Variants in FNIP2 observed in about 807,000 individuals in gnomAD.
FNIP2 encodes folliculin interacting protein 2, also known as folliculin-interacting protein 2.
Under a neutral mutation model 108.7 loss-of-function variants are expected in FNIP2, and 32 were observed. The observed-to-expected ratio is 0.29, with a 90% CI of 0.22 to 0.40. FNIP2 has a LOEUF of 0.40. Among genes scored for constraint, FNIP2 ranks in the 10% least tolerant of loss-of-function variants. The pLI, the probability that FNIP2 is intolerant of heterozygous loss-of-function variation, is 1.00. For missense variants in FNIP2, 1,202 were observed against 1,381.6 expected (o/e 0.87, Z 2.06); for synonymous variants, 480 against 496.7 (o/e 0.97, Z 0.45).
chr4:158,904,361 C>G, intron 16 of FNIP2, 105 bp from the exon 17 acceptor site: 1 of 996,038 alleles, frequency 1.0e-6, no homozygotes, highest in South Asian at 1.4e-5. Flanking sequence ...GATAATCTAT[C>G]AAACTTAGTA....
intron 12 of FNIP2, among the ~76,000 whole-genome samples, chr4:158,863,054 C>G (rs1213823615): frequency 6.6e-6 from 1 of 152,178 alleles, no homozygotes; most frequent in Admixed American, 6.5e-5. Flanking sequence ...CCTCATCTTT[C>G]AGGGGAGATC....
chr4:158,871,398 CA>C, intron 14 of FNIP2: 1 of 985,318 alleles, frequency 1.0e-6, no homozygotes, highest in Non-Finnish European at 1.2e-6. Flanking sequence ...CCTCCTTGGC[CA>C]ACAAGTATTT....
rs191993954 is a variant in FNIP2 at position 158,863,253 on chromosome 4, A to G, written c.1465+1477A>G. Reference sequence around the variant, plus strand: ...TATTACAAAGAAGTCGGGGGCCTTCAATAATTTGACAGGTAGAAGCACTTG... The same window carrying G: ...TATTACAAAGAAGTCGGGGGCCTTCGATAATTTGACAGGTAGAAGCACTTG... On this transcript the variant is annotated intron_variant, in intron 12 of 16. Transcript: ENST00000264433. Among the ~76,000 whole-genome samples the G allele has an allele frequency of 1.6e-3, 251 of 152,370 alleles. 1 individual carries two copies. Among genetic ancestry groups the G allele is most frequent in the African/African-American group, 5.7e-3 (239 of 41,590 alleles).
chr4:158,878,780 A>G (rs1412981537), intron 14 of FNIP2, among the ~76,000 whole-genome samples: 1 of 152,178 alleles, frequency 6.6e-6, no homozygotes, highest in Non-Finnish European at 1.5e-5. Flanking sequence ...AGCCATGTTT[A>G]AAGTGTTTAC....
chr4:158,781,577 C>A (rs897400503), intron 1 of FNIP2, among the ~76,000 whole-genome samples: 1 of 152,066 alleles, frequency 6.6e-6, no homozygotes, highest in Non-Finnish European at 1.5e-5. Context: ...TGCAGTGGCG[C>A]GATCTTGGCT....
At chr4:158,890,348 A>G in intron 14 of FNIP2, 1 of 985,190 alleles carries the variant, frequency 1.0e-6, no homozygotes, top group Non-Finnish European at 1.2e-6. Context: ...TTTTCCTACT[A>G]TTCCCCCTTG....
chr4:158,887,669 G>A (rs1166399225), intron 14 of FNIP2, among the ~76,000 whole-genome samples: 7 of 143,032 alleles, frequency 4.9e-5, no homozygotes, highest in Non-Finnish European at 7.5e-5. Context: ...CTCAGGAGGC[G>A]GAGGTTGTAG....
chr4:158,869,321 C>T lies in FNIP2; in HGVS notation c.2685C>T (p.Ser895=), dbSNP rs76877306. 941 of 1,613,620 alleles carry T rather than the reference C, an allele frequency of 5.8e-4. 7 individuals carry two copies. The African/African-American group carries it at 9.9e-3, about 17-fold the overall frequency. ...TTCCCCGAAATGAAAGCTCAGATAG[C>T]GCCCTGGGAGACAGTGACGACGAAG... The part of the protein sequence containing the change: ...GDIPRNESSD[S]ALGDSDDEAC... Residue 895 remains serine, a synonymous_variant, in exon 13 of 17, where the codon AGC becomes AGT. Transcript: ENST00000264433.
At chr4:158,839,005 C>T (rs1481873287) in intron 7 of FNIP2, among the ~76,000 whole-genome samples, 7 of 152,158 alleles carry the variant, frequency 4.6e-5, no homozygotes, top group Non-Finnish European at 5.9e-5. Context: ...GTGCCATTTT[C>T]GTCACATCCT....
intron 12 of FNIP2, among the ~76,000 whole-genome samples, chr4:158,863,844 AG>A (rs1780430927): frequency 6.6e-6 from 1 of 152,198 alleles, no homozygotes; most frequent in African/African-American, 2.4e-5. Flanking sequence ...AATGATCTTA[AG>A]GGTTTGTAGA....
intron 5 of FNIP2, among the ~76,000 whole-genome samples, chr4:158,832,354 A>G (rs1453550456): frequency 6.6e-6 from 1 of 152,202 alleles, no homozygotes; most frequent in Non-Finnish European, 1.5e-5. Flanking sequence ...GGCTGTCTTT[A>G]TATGTTTTGA....
intron 1 of FNIP2, among the ~76,000 whole-genome samples, chr4:158,812,600 A>G (rs1173697296): frequency 1.3e-5 from 2 of 152,096 alleles, no homozygotes; most frequent in African/African-American, 4.8e-5. Flanking sequence ...TTTTCCTTCA[A>G]AAAAATTTTA....
At chr4:158,874,264 G>T (rs1321660971) in intron 14 of FNIP2, among the ~76,000 whole-genome samples, 1 of 152,114 alleles carries the variant, frequency 6.6e-6, no homozygotes, top group Admixed American at 6.5e-5. Context: ...GTGGCCTTGG[G>T]CAAGTTTCTT....
intron 14 of FNIP2, chr4:158,890,178 A>G: frequency 6.1e-6 from 6 of 983,272 alleles, no homozygotes; most frequent in South Asian, 4.7e-5. Flanking sequence ...GAACAGACAA[A>G]TAAATGTTGA....
At position 158,801,478 on chromosome 4, in the gene FNIP2, G is replaced by A. The variant is rs573956219; in HGVS notation, c.108-24438G>A. On this transcript the variant is annotated intron_variant, in intron 1 of 16. Coordinates refer to ENST00000264433, the MANE Select transcript of FNIP2 (RefSeq NM_020840.3). Reference sequence around the variant, plus strand: ...TCTGTCCCAGTGGTCAGGCGCAGACGTGGTATGAGAATGAGCAGGGTGGGC... The same window carrying A: ...TCTGTCCCAGTGGTCAGGCGCAGACATGGTATGAGAATGAGCAGGGTGGGC... 3.9e-5 allele frequency among the ~76,000 whole-genome samples: 6 copies of A among 152,312 alleles called. No homozygotes were observed. In the South Asian group the frequency reaches 6.2e-4, roughly 16 times the overall value.
chr4:158,790,863 C>T (rs1327300249), intron 1 of FNIP2, among the ~76,000 whole-genome samples: 2 of 151,620 alleles, frequency 1.3e-5, no homozygotes, highest in Admixed American at 1.3e-4. Flanking sequence ...TTTCACTTAG[C>T]ACTTTCTTGG....
intron 1 of FNIP2, among the ~76,000 whole-genome samples, chr4:158,805,515 CT>C (rs1381069261): frequency 6.6e-6 from 1 of 152,126 alleles, no homozygotes; most frequent in African/African-American, 2.4e-5. Context: ...GGGTTTATGG[CT>C]GCTCGTTATC....
intron 1 of FNIP2, among the ~76,000 whole-genome samples, chr4:158,780,569 T>C (rs957576517): frequency 6.6e-6 from 1 of 152,240 alleles, no homozygotes; most frequent in African/African-American, 2.4e-5. Flanking sequence ...AATTTATGGA[T>C]GAACACTTGA....
intron 14 of FNIP2, among the ~76,000 whole-genome samples, chr4:158,882,842 C>A (rs1388573923): frequency 6.6e-6 from 1 of 152,106 alleles, no homozygotes; most frequent in African/African-American, 2.4e-5. Flanking sequence ...CTCAAGTACC[C>A]AGGGACACAA....
Sources: gnomAD v4.1 joint callset for allele counts (sites outside exome capture counted in the v4.1 genomes callset) on GRCh38, gnomAD v4.1.1 for gene constraint, MANE v1.5 for transcripts, NCBI Gene and HGNC (gene_info 2026-07-23, HGNC 2026-07-21) for gene names.